COL25A1: variants seen among roughly 807,000 people sequenced by gnomAD.
COL25A1 encodes collagen alpha-1(XXV) chain.
A neutral mutation model predicts 128.4 loss-of-function variants in COL25A1; 103 were observed. The ratio of observed to expected loss-of-function variants is 0.80; its 90% CI spans 0.68 to 0.94. The LOEUF (loss-of-function observed/expected upper bound fraction) is 0.94, where lower values mean the gene tolerates loss of function less well. Ranked by LOEUF, COL25A1 falls within the 40% of genes least tolerant of loss-of-function variation. The pLI, the probability that COL25A1 is intolerant of heterozygous loss-of-function variation, is 0.00. For synonymous variants in COL25A1, 279 were observed against 277.2 expected (o/e 1.01, Z -0.06); for missense variants, 745 against 840.0 (o/e 0.89, Z 1.40).
intron 3 of COL25A1, among the ~76,000 whole-genome samples, chr4:109,174,968 T>C (rs1773953794): frequency 6.6e-6 from 1 of 152,134 alleles, no homozygotes. Flanking sequence ...ATGAACCCTA[T>C]TGTGAACTGC....
At chr4:108,894,196 G>C (rs1266253571) in intron 16 of COL25A1, among the ~76,000 whole-genome samples, 1 of 152,064 alleles carries the variant, frequency 6.6e-6, no homozygotes, top group African/African-American at 2.4e-5. Flanking sequence ...GAAAAAAGCT[G>C]TTTTACCATT....
At chr4:109,112,422 AT>A (rs1767112264) in intron 3 of COL25A1, among the ~76,000 whole-genome samples, 3 of 151,874 alleles carry the variant, frequency 2.0e-5, no homozygotes, top group African/African-American at 7.2e-5. Context: ...TGGAATGAAA[AT>A]TTTTTTTACC....
chr4:109,108,703 A>C (rs28727477), intron 3 of COL25A1, among the ~76,000 whole-genome samples: 14,687 of 152,162 alleles, frequency 0.097, 969 homozygotes, highest in East Asian at 0.29. Context: ...CTCTTTCTCC[A>C]ATCCTTCATT....
Position 109,276,136 on chromosome 4 carries a change from C to T in COL25A1, c.367+24447G>A, listed in dbSNP as rs546836271. ...AAGATTGTCTTATTTCTTGGCCAGG[C>T]GCAGTGGCTTATGCCTATAATCCCA... On this transcript the variant is annotated intron_variant, in intron 3 of 37. Coordinates refer to ENST00000399132, the MANE Select transcript of COL25A1 (RefSeq NM_198721.4). Among the ~76,000 whole-genome samples the T allele has an allele frequency of 1.8e-4, 27 of 152,244 alleles. No homozygotes were observed. In the South Asian group the frequency reaches 5.2e-3, roughly 29 times the overall value.
intron 8 of COL25A1, among the ~76,000 whole-genome samples, chr4:108,950,725 G>A (rs1031906349): frequency 2.0e-5 from 3 of 152,172 alleles, no homozygotes; most frequent in Non-Finnish European, 4.4e-5. Context: ...TCAGAGTGAT[G>A]AGAACAAGAG....
At chr4:108,902,966 T>C (rs1243481403) in intron 13 of COL25A1, among the ~76,000 whole-genome samples, 2 of 151,930 alleles carry the variant, frequency 1.3e-5, no homozygotes, top group Non-Finnish European at 2.9e-5. Context: ...ACTAATATCA[T>C]AACTCATGGT....
intron 31 of COL25A1, chr4:108,834,461 T>C: frequency 1.5e-6 from 2 of 1,352,554 alleles, no homozygotes; most frequent in Non-Finnish European, 2.1e-6. Context: ...TAGTATGAGG[T>C]ACCGATGAAC....
intron 12 of COL25A1, among the ~76,000 whole-genome samples, chr4:108,919,250 A>G (rs1560862838): frequency 6.6e-6 from 1 of 152,178 alleles, no homozygotes; most frequent in East Asian, 1.9e-4. Context: ...ATCAAAACAA[A>G]TTGAGATGGC....
chr4:109,009,839 C>T (rs1461291747), intron 6 of COL25A1, among the ~76,000 whole-genome samples: 8 of 152,098 alleles, frequency 5.3e-5, no homozygotes, highest in Admixed American at 1.3e-4. Context: ...TGCTCATTTT[C>T]TTCAATATGG....
At chr4:109,237,452 A>T (rs1779550785) in intron 3 of COL25A1, among the ~76,000 whole-genome samples, 1 of 152,092 alleles carries the variant, frequency 6.6e-6, no homozygotes, top group South Asian at 2.1e-4. Flanking sequence ...TTTCAAATGA[A>T]AAATTTACAA....
rs570647592 is a variant in COL25A1 at position 108,869,473 on chromosome 4, G to C, written c.1021-323C>G. ...AGACAGAAGTACAGGTAACCTGCGGGCTCAATACCTGTGCCTGGTGACCAA... is the reference window on the plus strand; with the variant it reads ...AGACAGAAGTACAGGTAACCTGCGGCCTCAATACCTGTGCCTGGTGACCAA... On this transcript the variant is annotated intron_variant, in intron 19 of 37. Transcript: ENST00000399132. 2.0e-5 allele frequency among the ~76,000 whole-genome samples: 3 copies of C among 152,278 alleles called. No individual in the cohort carries two copies. The East Asian group carries it at 5.8e-4, about 29-fold the overall frequency.
chr4:108,992,757 C>A (rs950308017), intron 6 of COL25A1, among the ~76,000 whole-genome samples: 27 of 152,162 alleles, frequency 1.8e-4, no homozygotes, highest in African/African-American at 5.8e-4. Flanking sequence ...GCTTAGGAAC[C>A]TCAGAGATGT....
intron 3 of COL25A1, among the ~76,000 whole-genome samples, chr4:109,295,733 C>T (rs548758829): frequency 7.2e-4 from 110 of 152,112 alleles, no homozygotes; most frequent in African/African-American, 2.4e-3. Context: ...CATTTATTTC[C>T]ACCCAAAAAT....
intron 5 of COL25A1, among the ~76,000 whole-genome samples, chr4:109,015,262 G>A (rs1757112434): frequency 6.6e-6 from 1 of 152,198 alleles, no homozygotes; most frequent in African/African-American, 2.4e-5. Context: ...ATTCGTTACT[G>A]AGTAGTATTG....
At chr4:108,815,392 T>G (rs1295188040) in intron 37 of COL25A1, among the ~76,000 whole-genome samples, 2 of 152,172 alleles carry the variant, frequency 1.3e-5, no homozygotes, top group Non-Finnish European at 2.9e-5. Context: ...AATAGTTTTA[T>G]TTGACTATTC....
chr4:108,978,151 T>C (rs1752617999), intron 6 of COL25A1, among the ~76,000 whole-genome samples: 1 of 152,240 alleles, frequency 6.6e-6, no homozygotes, highest in South Asian at 2.1e-4. Flanking sequence ...AATTGAGCAA[T>C]AAATATTGCT....
chr4:109,006,378 ATTTTTTTTTTTTTTTTT>A (rs56845799), intron 6 of COL25A1, among the ~76,000 whole-genome samples: 3 of 51,874 alleles, frequency 5.8e-5, no homozygotes, highest in African/African-American at 7.8e-5. Flanking sequence ...CACCCAGCTA[ATTTTTTTTTTTTTTTTT>A]TTTTTTTTTT....
intron 24 of COL25A1, among the ~76,000 whole-genome samples, chr4:108,853,613 C>T (rs1011961018): frequency 6.6e-6 from 1 of 152,024 alleles, no homozygotes; most frequent in Non-Finnish European, 1.5e-5. Flanking sequence ...GTTTGCTGCA[C>T]CCATCAACTC....
At chr4:109,164,742 A>G (rs552588785) in intron 3 of COL25A1, among the ~76,000 whole-genome samples, 5 of 152,218 alleles carry the variant, frequency 3.3e-5, no homozygotes, top group Non-Finnish European at 5.9e-5. Context: ...CTTCTATGTT[A>G]TATGAGAATG....
Sources: allele counts gnomAD v4.1 joint callset (sites outside exome capture counted in the v4.1 genomes callset), GRCh38; gene constraint gnomAD v4.1.1; transcripts MANE v1.5; gene names NCBI Gene and HGNC (gene_info 2026-07-23, HGNC 2026-07-21).